The following MED8 variants were observed in gnomAD, a reference collection of about 807,000 sequenced individuals.
The protein encoded by MED8 is mediator complex subunit 8.
Under a neutral mutation model 34.8 loss-of-function variants are expected in MED8, and 22 were observed. That is an observed-to-expected ratio of 0.63 (90% CI 0.45 to 0.90). The LOEUF is 0.90. MED8 is among the 40% of genes least tolerant of loss of function. The pLI, the probability that MED8 is intolerant of heterozygous loss-of-function variation, is 0.00. For synonymous variants in MED8, 105 were observed against 120.2 expected (o/e 0.87, Z 0.83); for missense variants, 260 against 326.3 (o/e 0.80, Z 1.57).
chr1:43,388,061 G>A (rs1215528871), intron 2 of MED8, among the ~76,000 whole-genome samples: 1 of 152,194 alleles, frequency 6.6e-6, no homozygotes, highest in Admixed American at 6.5e-5. Context: ...TGTAGTGGGA[G>A]GACCTCCTCA....
intron 1 of MED8, chr1:43,389,092 C>T (rs60679057): frequency 6.6e-6 from 1 of 152,618 alleles, no homozygotes; most frequent in African/African-American, 2.4e-5. Context: ...AAATGAAAAA[C>T]AAAAACCACA....
At chr1:43,388,565 T>C (rs1647866454) in intron 1 of MED8, 137 bp from the exon 2 acceptor site, 29 of 1,405,686 alleles carry the variant, frequency 2.1e-5, no homozygotes, top group Non-Finnish European at 2.7e-5. Flanking sequence ...AGCCAGGTTG[T>C]TTTCTATCTT....
At position 43,386,500 on chromosome 1, in the gene MED8, C is replaced by G. The variant is rs1296130106; in HGVS notation, c.493+89G>C. The G allele has an allele frequency of 3.8e-5, 53 of 1,412,074 alleles. No homozygotes were observed. The highest frequency in any genetic ancestry group is 5.0e-5 in the Non-Finnish European group (51 of 1,022,388). 87.5% of individuals were successfully genotyped at this position (1,412,074 alleles called of 1,614,324 possible). ...ACCCCAAAGCAGTTCACCCTTGTGTCCTAACTTCACTACTTCCAAAACAAC... is the reference window on the plus strand; with the variant it reads ...ACCCCAAAGCAGTTCACCCTTGTGTGCTAACTTCACTACTTCCAAAACAAC... On this transcript the variant is annotated intron_variant, in intron 5 of 6. Transcript: ENST00000372457. The surrounding 1 kb of genome is among the most constrained non-coding windows in gnomAD (Gnocchi z 4.9).
At chr1:43,385,228 G>C in intron 6 of MED8, 122 bp from the exon 7 acceptor site, 2 of 1,277,068 alleles carry the variant, frequency 1.6e-6, no homozygotes, top group Non-Finnish European at 2.1e-6. Flanking sequence ...TGCGGCATCT[G>C]ACCCTGTTTG....
chr1:43,387,829 GT>G (rs1445813166), intron 2 of MED8, among the ~76,000 whole-genome samples, 182 bp from the exon 3 acceptor site: 1 of 152,230 alleles, frequency 6.6e-6, no homozygotes, highest in Non-Finnish European at 1.5e-5. Flanking sequence ...GAGGGACATA[GT>G]TTCAGTTTAT....
intron 6 of MED8, chr1:43,385,744 C>A (rs925441902): frequency 5.6e-5 from 32 of 567,824 alleles, no homozygotes; most frequent in South Asian, 4.3e-4. Flanking sequence ...ATGTGAGATG[C>A]GGATGAGAAA....
At position 43,386,695 on chromosome 1, in the gene MED8, G is replaced by T; in HGVS notation, c.412-25C>A. On this transcript the variant is annotated intron_variant, in intron 4 of 6. Coordinates refer to ENST00000372457, the MANE Select transcript of MED8 (RefSeq NM_201542.5). The surrounding 1 kb of genome is among the most constrained non-coding windows in gnomAD (Gnocchi z 4.9). ...TCTGTAACACACAAATTTGTGCAGAGATTAGGGTAACTAGGAAACGATATG... is the reference window on the plus strand; with the variant it reads ...TCTGTAACACACAAATTTGTGCAGATATTAGGGTAACTAGGAAACGATATG... The T allele has an allele frequency of 6.2e-7, 1 of 1,602,488 alleles. No individual in the cohort carries two copies. Among genetic ancestry groups the T allele is most frequent in the Non-Finnish European group, 8.5e-7 (1 of 1,174,032 alleles).
In MED8 at chr1:43,386,317, G is replaced by C; in HGVS notation, c.494-91C>G. On this transcript the variant is annotated intron_variant, in intron 5 of 6. Transcript: ENST00000372457. The surrounding 1 kb of genome is among the most constrained non-coding windows in gnomAD (Gnocchi z 4.9). ...AGACCAGTATGAGTGCCAGGGTTTG[G>C]AGTTCTGAATTCAGCAACATCTAGA... is the stretch of plus-strand genomic sequence containing the variant. 1.3e-6 allele frequency: 2 copies of C among 1,487,100 alleles called. No homozygotes were observed. Among genetic ancestry groups the C allele is most frequent in the African/African-American group, 1.4e-5 (1 of 72,106 alleles). 92.1% of individuals were successfully genotyped at this position (1,487,100 alleles called of 1,614,324 possible).
chr1:43,384,516 T>TA lies in MED8; in HGVS notation c.*525dup, dbSNP rs1557484815. On this transcript the variant is annotated 3_prime_UTR_variant, in exon 7 of 7. Transcript: ENST00000372457. Reference sequence around the variant, plus strand: ...CCAGAAGCTTCTTCACCTTGCGCCTTAGAGGGATAGCCAGAATGAAACCCA... The same window carrying TA: ...CCAGAAGCTTCTTCACCTTGCGCCTTAAGAGGGATAGCCAGAATGAAACCCA... The TA allele has an allele frequency of 3.1e-6, 5 of 1,611,922 alleles. No individual in the cohort carries two copies. The highest frequency in any genetic ancestry group is 1.1e-5 in the South Asian group (1 of 90,462).
chr1:43,384,289 A>T lies in MED8; in HGVS notation c.*753T>A. 1 of 868,106 alleles carries T rather than the reference A, an allele frequency of 1.2e-6. No individual in the cohort carries two copies. Among genetic ancestry groups the T allele is most frequent in the Non-Finnish European group, 1.7e-6 (1 of 598,220 alleles). 53.8% of individuals were successfully genotyped at this position (868,106 alleles called of 1,614,324 possible). A position where few individuals can be genotyped will look rare whatever the true frequency, so the allele number is the denominator to read the frequency against. ...AGGGGAAGGGGCTTTTTCGTGTGCTAAGGAAAAACCCTTTCCCACATAGTC... is the reference window on the plus strand; with the variant it reads ...AGGGGAAGGGGCTTTTTCGTGTGCTTAGGAAAAACCCTTTCCCACATAGTC... On this transcript the variant is annotated 3_prime_UTR_variant, in exon 7 of 7. Coordinates refer to ENST00000372457, the MANE Select transcript of MED8 (RefSeq NM_201542.5).
chr1:43,388,164 G>C (rs1430805073), intron 2 of MED8, 146 bp downstream of exon 2: 1 of 779,372 alleles, frequency 1.3e-6, no homozygotes, highest in Admixed American at 2.8e-5. Flanking sequence ...GAATCCACTT[G>C]CTAAATGTTA....
chr1:43,384,779 C>G lies in MED8; in HGVS notation c.*263G>C. ...ATTATTTCATATACTGTACTAAGTG[C>G]TTTACATTCATTTCCTCATTTTAAT... On this transcript the variant is annotated 3_prime_UTR_variant, in exon 7 of 7. Coordinates refer to ENST00000372457, the MANE Select transcript of MED8 (RefSeq NM_201542.5). The G allele has an allele frequency of 7.1e-7, 1 of 1,412,764 alleles. No individual in the cohort carries two copies. The highest frequency in any genetic ancestry group is 2.5e-5 in the East Asian group (1 of 39,410). The allele number at this position is 1,412,764 out of a possible 1,614,324, so 87.5% of individuals were successfully genotyped here. A position where few individuals can be genotyped will look rare whatever the true frequency, so the allele number is the denominator to read the frequency against.
In MED8 at chr1:43,389,785, C is replaced by A; in HGVS notation, c.-21G>T. 4 of 1,610,030 alleles carry A rather than the reference C, an allele frequency of 2.5e-6. No homozygotes were observed. The highest frequency in any genetic ancestry group is 1.7e-5 in the Admixed American group (1 of 59,544). ...TGCATTGCGGCGGCCGAGGCGGCTG[C>A]CACGATTTCACTTCCGGTTTTCCAG... On this transcript the variant is annotated 5_prime_UTR_variant, in exon 1 of 7. Transcript: ENST00000372457.
chr1:43,385,862 A>G, intron 6 of MED8, 116 bp downstream of exon 6: 1 of 1,456,374 alleles, frequency 6.9e-7, no homozygotes, highest in Non-Finnish European at 9.3e-7. Context: ...GGTCACAGTG[A>G]AAAGGAGAAA....
chr1:43,387,466 C>CAAGTTTTTTCTTAA, intron 3 of MED8, 37 bp downstream of exon 3: 3 of 1,606,510 alleles, frequency 1.9e-6, no homozygotes, highest in Non-Finnish European at 2.6e-6. Flanking sequence ...TAAAAAACCC[C>CAAGTTTTTTCTTAA]TTAATTTCCC....
Position 43,384,989 on chromosome 1 carries a change from T to C in MED8, c.*53A>G. On this transcript the variant is annotated 3_prime_UTR_variant, in exon 7 of 7. Transcript: ENST00000372457. ...AGGTGAGCCTTGAGCAAAAGGTAAT[T>C]TCACTGCCCAACTCTGCAAAGAGCA... is the stretch of plus-strand genomic sequence containing the variant. 4 of 1,533,954 alleles carry C rather than the reference T, an allele frequency of 2.6e-6. No homozygotes were observed. Among genetic ancestry groups the C allele is most frequent in the Non-Finnish European group, 3.5e-6 (4 of 1,141,114 alleles).
Position 43,384,794 on chromosome 1 carries a change from C to T in MED8, c.*248G>A, listed in dbSNP as rs190387226. 2 of 1,401,856 alleles carry T rather than the reference C, an allele frequency of 1.4e-6. No homozygotes were observed. The highest frequency in any genetic ancestry group is 3.2e-5 in the Admixed American group (1 of 31,706). The allele number at this position is 1,401,856 out of a possible 1,614,324, so 86.8% of individuals were successfully genotyped here. A position where few individuals can be genotyped will look rare whatever the true frequency, so the allele number is the denominator to read the frequency against. Reference sequence around the variant, plus strand: ...GTACTAAGTGCTTTACATTCATTTCCTCATTTTAATCCTCACAACAACCCT... The same window carrying T: ...GTACTAAGTGCTTTACATTCATTTCTTCATTTTAATCCTCACAACAACCCT... On this transcript the variant is annotated 3_prime_UTR_variant, in exon 7 of 7. Transcript: ENST00000372457.
chr1:43,387,437 C>A, intron 3 of MED8, 66 bp downstream of exon 3: 1 of 1,556,974 alleles, frequency 6.4e-7, no homozygotes, highest in Non-Finnish European at 8.7e-7. Flanking sequence ...ACTTAATTTC[C>A]CTAAATACTA....
chr1:43,384,895 A>G lies in MED8; in HGVS notation c.*147T>C. On this transcript the variant is annotated 3_prime_UTR_variant, in exon 7 of 7. Transcript: ENST00000372457. ...TTAGGTCACTTGTCCAAGGTCACAC[A>G]GCTAGTCAGTGGTGGAAGTGGGATT... is the stretch of plus-strand genomic sequence containing the variant. 1.4e-6 allele frequency: 2 copies of G among 1,429,650 alleles called. No individual in the cohort carries two copies. Among genetic ancestry groups the G allele is most frequent in the Non-Finnish European group, 1.8e-6 (2 of 1,088,858 alleles). 88.6% of individuals were successfully genotyped at this position (1,429,650 alleles called of 1,614,324 possible).
Sources: allele counts gnomAD v4.1 joint callset (sites outside exome capture counted in the v4.1 genomes callset), GRCh38; gene constraint gnomAD v4.1.1; non-coding constraint Gnocchi (gnomAD v3.1); transcripts MANE v1.5; gene names NCBI Gene and HGNC (gene_info 2026-07-23, HGNC 2026-07-21).